The following KMT2E variants were observed in gnomAD, a reference collection of about 807,000 sequenced individuals.
KMT2E encodes lysine methyltransferase 2E (inactive), also known as histone reader KMT2E.
In KMT2E, 30 loss-of-function variants were observed where a neutral mutation model predicts 184.6. The observed-to-expected ratio is 0.16, with a 90% CI of 0.12 to 0.22. The LOEUF is 0.22. Ranked by LOEUF, KMT2E falls within the 10% of genes least tolerant of loss-of-function variation. The pLI is 1.00. For synonymous variants in KMT2E, 815 were observed against 776.5 expected, an observed-to-expected ratio of 1.05 and a Z score of -0.82; for missense variants, 2,023 against 2,237.4, an observed-to-expected ratio of 0.90 and a Z score of 1.93.
At chr7:105,077,280 C>G in intron 10 of KMT2E, 23 bp from the exon 11 acceptor site, 1 of 1,603,850 alleles carries the variant, frequency 6.2e-7, no homozygotes, top group Non-Finnish European at 8.5e-7. Context: ...TTTATTTAAT[C>G]TCAACATTTA....
intron 12 of KMT2E, among the ~76,000 whole-genome samples, chr7:105,079,634 C>G (rs548131162): frequency 6.9e-6 from 1 of 143,988 alleles, no homozygotes; most frequent in Non-Finnish European, 1.5e-5. Flanking sequence ...AAGTGATCCT[C>G]CTGTCTCAGC....
chr7:105,024,011 A>G (rs763756304), intron 1 of KMT2E, among the ~76,000 whole-genome samples: 2 of 152,196 alleles, frequency 1.3e-5, no homozygotes, highest in Non-Finnish European at 2.9e-5. Flanking sequence ...TTAGACTTTC[A>G]TTACATTATG....
intron 1 of KMT2E, among the ~76,000 whole-genome samples, chr7:105,020,098 ACT>A (rs771364734): frequency 8.2e-5 from 12 of 146,288 alleles, no homozygotes; most frequent in Admixed American, 4.1e-4. Flanking sequence ...ATAGAGTGAG[ACT>A]CTGTCTCAAA....
At chr7:105,039,329 A>C (rs567129351) in intron 2 of KMT2E, 1 of 152,328 alleles carries the variant, frequency 6.6e-6, no homozygotes, top group African/African-American at 2.4e-5. Flanking sequence ...TAAATACCTA[A>C]GTAGATTATT....
chr7:105,098,234 ATTTT>A (rs34674654), intron 15 of KMT2E, among the ~76,000 whole-genome samples: 45 of 136,954 alleles, frequency 3.3e-4, no homozygotes, highest in African/African-American at 5.9e-4. Flanking sequence ...TCCTTTTCCT[ATTTT>A]TTTTTTTTTT....
chr7:105,041,588 A>G (rs532026746), intron 3 of KMT2E, among the ~76,000 whole-genome samples: 2 of 152,140 alleles, frequency 1.3e-5, no homozygotes, highest in East Asian at 1.9e-4. Context: ...TTTAGTAGAG[A>G]TGGGGTTTCA....
intron 1 of KMT2E, among the ~76,000 whole-genome samples, chr7:105,019,867 G>T (rs1794874820): frequency 6.6e-6 from 1 of 152,110 alleles, no homozygotes; most frequent in South Asian, 2.1e-4. Flanking sequence ...ACTACTTTGG[G>T]AGGCCGAGGC....
intron 5 of KMT2E, among the ~76,000 whole-genome samples, chr7:105,066,049 C>G (rs1279838887): frequency 6.6e-6 from 1 of 151,970 alleles, no homozygotes; most frequent in African/African-American, 2.4e-5. Flanking sequence ...TGGTTCTGCC[C>G]TCCTTTAACT....
chr7:105,064,032 CT>C (rs773205901), intron 5 of KMT2E: 7 of 455,314 alleles, frequency 1.5e-5, no homozygotes, highest in Non-Finnish European at 3.1e-5. Context: ...TTGCAGCACT[CT>C]GGAGTCTCCT....
In KMT2E at chr7:105,091,417, G is replaced by A. The variant is rs200435314; in HGVS notation, c.1722+103G>A. ...TTTTACATTATTCTTTGAAGTTAGC[G>A]AATGATGTGCCATTGAGCATTTTTA... On this transcript the variant is annotated intron_variant, in intron 15 of 26. Transcript: ENST00000311117. The A allele has an allele frequency of 2.5e-5, 18 of 733,756 alleles. No individual in the cohort carries two copies. The African/African-American group carries it at 2.6e-4, about 11-fold the overall frequency. 45.5% of individuals were successfully genotyped at this position (733,756 alleles called of 1,614,324 possible). A position where few individuals can be genotyped will look rare whatever the true frequency, so the allele number is the denominator to read the frequency against.
chr7:105,063,957 G>A lies in KMT2E; in HGVS notation c.416+377G>A, dbSNP rs73184085. The stretch of plus-strand genomic sequence containing the variant: ...AGTCAACTGTGATTTTCCAGTTTGC[G>A]GAAATTAAACATTTTCATTGATGTT... On this transcript the variant is annotated intron_variant, in intron 5 of 26. Transcript: ENST00000311117. The A allele has an allele frequency of 3.5e-3, 1,566 of 445,728 alleles. 2 individuals carry two copies. The highest frequency in any genetic ancestry group is 5.4e-3 in the Non-Finnish European group (1,215 of 224,442). The allele number at this position is 445,728 out of a possible 1,614,324, so 27.6% of individuals were successfully genotyped here.
chr7:105,111,240 G>A, intron 26 of KMT2E: 2 of 187,196 alleles, frequency 1.1e-5, no homozygotes, highest in South Asian at 1.3e-4. Context: ...TCTTCATCCT[G>A]GTTCATGAAG....
chr7:105,060,685 C>T (rs114150717), intron 3 of KMT2E, among the ~76,000 whole-genome samples: 2,676 of 152,162 alleles, frequency 0.018, 80 homozygotes, highest in African/African-American at 0.062. Flanking sequence ...ACCCTCCTGT[C>T]TCAGACTCCC....
At chr7:105,093,909 AT>A (rs1216078135) in intron 15 of KMT2E, among the ~76,000 whole-genome samples, 4 of 152,206 alleles carry the variant, frequency 2.6e-5, no homozygotes, top group Non-Finnish European at 5.9e-5. Context: ...TGGGAATAAA[AT>A]GTGGAAAACT....
Position 105,113,750 on chromosome 7 carries a change from T to C in KMT2E, c.*417T>C, listed in dbSNP as rs567453911. The C allele has an allele frequency of 1.1e-3, 180 of 159,634 alleles. 3 individuals are homozygous for C. The highest frequency in any genetic ancestry group is 4.2e-3 in the African/African-American group (174 of 41,836). The allele number at this position is 159,634 out of a possible 1,614,324, so 9.9% of individuals were successfully genotyped here. On this transcript the variant is annotated 3_prime_UTR_variant, in exon 27 of 27. Coordinates refer to ENST00000311117, the MANE Select transcript of KMT2E (RefSeq NM_182931.3). ...TGTGAATGCATCTTAGGTATAAAAA[T>C]GCAATACAGATTTTTATATTTTGGT...
chr7:105,112,558 G>C lies in KMT2E; in HGVS notation c.4802G>C (p.Gly1601Ala). ...PGTTSQQTVP[G>A]HHVTPGHFLP... is the part of the protein sequence containing the mutation. Reference sequence around the variant, plus strand: ...ACCACAAGCCAGCAAACAGTTCCAGGACACCACGTGACTCCAGGGCATTTT... The same window carrying C: ...ACCACAAGCCAGCAAACAGTTCCAGCACACCACGTGACTCCAGGGCATTTT... Residue 1601 changes from glycine to alanine, a missense_variant, in exon 27 of 27, where the codon GGA becomes GCA. Coordinates refer to ENST00000311117, the MANE Select transcript of KMT2E (RefSeq NM_182931.3). 1 of 1,613,856 alleles carries C rather than the reference G, an allele frequency of 6.2e-7. No individual in the cohort carries two copies. Among genetic ancestry groups the C allele is most frequent in the Non-Finnish European group, 8.5e-7 (1 of 1,179,972 alleles).
intron 3 of KMT2E, among the ~76,000 whole-genome samples, chr7:105,048,793 C>T (rs557380348): frequency 1.2e-4 from 18 of 152,298 alleles, no homozygotes; most frequent in African/African-American, 3.9e-4. Context: ...GACAGTGTTC[C>T]GATAACACTT....
chr7:105,071,588 A>ATATATATATATG, intron 6 of KMT2E, among the ~76,000 whole-genome samples: 1 of 46,326 alleles, frequency 2.2e-5, no homozygotes, highest in African/African-American at 8.3e-5. Flanking sequence ...GTGTGTATAT[A>ATATATATATATG]TATATATATA....
At chr7:105,097,624 A>G (rs1464511077) in intron 15 of KMT2E, among the ~76,000 whole-genome samples, 1 of 151,994 alleles carries the variant, frequency 6.6e-6, no homozygotes, top group Non-Finnish European at 1.5e-5. Context: ...TGACCTTGTG[A>G]TGATCCACCC....
Sources: allele counts gnomAD v4.1 joint callset (sites outside exome capture counted in the v4.1 genomes callset), GRCh38; gene constraint gnomAD v4.1.1; transcripts MANE v1.5; gene names NCBI Gene and HGNC (gene_info 2026-07-23, HGNC 2026-07-21).